DOP1A: variants seen among roughly 807,000 people sequenced by gnomAD.
The protein encoded by DOP1A is protein DOP1A.
In DOP1A, 90 loss-of-function variants were observed where a neutral mutation model predicts 267.6. The observed-to-expected ratio is 0.34, with a 90% CI of 0.28 to 0.40. The LOEUF is 0.40. Ranked by LOEUF, DOP1A falls within the 10% of genes least tolerant of loss-of-function variation. The pLI is 1.00. For synonymous variants in DOP1A, 932 were observed against 999.1 expected, an observed-to-expected ratio of 0.93 and a Z score of 1.27; for missense variants, 2,437 against 2,900.4, an observed-to-expected ratio of 0.84 and a Z score of 3.67.
At chr6:83,162,941 G>C (rs199686549) in intron 38 of DOP1A, 22 bp downstream of exon 38, 2 of 1,603,664 alleles carry the variant, frequency 1.2e-6, no homozygotes, top group Non-Finnish European at 1.7e-6. Context: ...TTTTGTGATT[G>C]TTTTGTTTTA....
chr6:83,119,933 G>A, intron 9 of DOP1A, 76 bp downstream of exon 9: 15 of 1,179,118 alleles, frequency 1.3e-5, no homozygotes, highest in Non-Finnish European at 1.6e-5. Flanking sequence ...ACGAGGTCTT[G>A]CCTTAATTGA....
chr6:83,082,238 A>C (rs982861041), intron 1 of DOP1A, among the ~76,000 whole-genome samples: 3 of 152,366 alleles, frequency 2.0e-5, no homozygotes, highest in South Asian at 4.1e-4. Context: ...CAGTATTCAC[A>C]TAGCCAAGAT....
downstream of DOP1A, chr6:83,169,954 T>C (rs2128476892): frequency 1.3e-5 from 5 of 381,968 alleles, no homozygotes; most frequent in South Asian, 1.1e-4. Flanking sequence ...ACAAAGCTGG[T>C]TGTTTTCATG....
intron 1 of DOP1A, among the ~76,000 whole-genome samples, chr6:83,094,350 C>T (rs1771055600): frequency 6.6e-6 from 1 of 152,160 alleles, no homozygotes; most frequent in Admixed American, 6.5e-5. Context: ...ATGAATAATG[C>T]ATCTATGAGC....
At chr6:83,101,979 T>C (rs1286857723) in intron 4 of DOP1A, among the ~76,000 whole-genome samples, 2 of 152,192 alleles carry the variant, frequency 1.3e-5, no homozygotes, top group Admixed American at 1.3e-4. Context: ...TCATCTGACA[T>C]TTCCCATTTT....
intron 3 of DOP1A, among the ~76,000 whole-genome samples, chr6:83,098,190 A>G (rs1386730957): frequency 6.6e-6 from 1 of 152,158 alleles, no homozygotes; most frequent in Non-Finnish European, 1.5e-5. Context: ...CAGCCTATCA[A>G]ATAGCTTAAC....
chr6:83,114,463 A>G (rs1775073897), intron 7 of DOP1A, among the ~76,000 whole-genome samples: 2 of 152,318 alleles, frequency 1.3e-5, no homozygotes, highest in East Asian at 3.9e-4. Context: ...ATGTTTTTTT[A>G]AACACTTAGA....
chr6:83,138,112 C>T lies in DOP1A; in HGVS notation c.4070C>T (p.Ser1357Phe), dbSNP rs777116743. The T allele has an allele frequency of 3.1e-6, 5 of 1,613,870 alleles. No individual in the cohort carries two copies. Among genetic ancestry groups the T allele is most frequent in the Non-Finnish European group, 4.2e-6 (5 of 1,179,866 alleles). ...ATGGGTTCTCCAGGATCTCGAAAAT[C>T]TCCCAATTTCAACATTCATCCTCTC... ...SDMGSPGSRK[S>F]PNFNIHPLYQ... The change falls in exon 21 of 39, where the codon TCT (serine) becomes TTT (phenylalanine). Residue 1357 changes from serine (S) to phenylalanine (F), a missense_variant. Physicochemically the swap from Ser to Phe is radical, Grantham distance 155. This residue lies in a region of DOP1A where 878 missense variants were observed against 992.9 expected (regional missense o/e 0.88). Transcript: ENST00000349129.
intron 19 of DOP1A, among the ~76,000 whole-genome samples, chr6:83,134,934 T>C (rs563537177): frequency 4.6e-5 from 7 of 152,254 alleles, no homozygotes; most frequent in Non-Finnish European, 1.0e-4. Flanking sequence ...CTGAACGTTA[T>C]TTCAGCTGGT....
intron 17 of DOP1A, among the ~76,000 whole-genome samples, chr6:83,130,984 C>T (rs1221018773): frequency 2.0e-5 from 3 of 151,920 alleles, no homozygotes; most frequent in African/African-American, 4.8e-5. Flanking sequence ...GTAATCTGCC[C>T]GCCTCAGCCT....
chr6:83,072,125 G>A (rs1785721840), intron 1 of DOP1A, among the ~76,000 whole-genome samples: 1 of 152,134 alleles, frequency 6.6e-6, no homozygotes, highest in South Asian at 2.1e-4. Flanking sequence ...TGTGGAAGGA[G>A]TTTCGTATGA....
chr6:83,074,503 G>T (rs545350874), intron 1 of DOP1A, among the ~76,000 whole-genome samples: 3 of 151,914 alleles, frequency 2.0e-5, no homozygotes, highest in African/African-American at 7.3e-5. Flanking sequence ...CTTTACACTC[G>T]TGCAAAAATG....
chr6:83,109,643 A>G lies in DOP1A; in HGVS notation c.492-482A>G, dbSNP rs1185485689. On this transcript the variant is annotated intron_variant, in intron 5 of 38. Coordinates refer to ENST00000349129, the MANE Select transcript of DOP1A (RefSeq NM_015018.4). ...GACGTGGTACTCTTGATATCTAACT[A>G]TTCAAACAAAGTTATTTGATCTGTT... 2.6e-5 allele frequency among the ~76,000 whole-genome samples: 4 copies of G among 152,298 alleles called. No individual in the cohort carries two copies. In the East Asian group the frequency reaches 7.7e-4, roughly 29 times the overall value.
Position 83,113,373 on chromosome 6 carries a change from A to C in DOP1A, c.732A>C (p.Arg244Ser), listed in dbSNP as rs1279987264. 6.2e-7 allele frequency: 1 copy of C among 1,613,902 alleles called. No homozygotes were observed. The highest frequency in any genetic ancestry group is 8.5e-7 in the Non-Finnish European group (1 of 1,179,884). The change falls in exon 7 of 39, where the codon AGA becomes AGC. Residue 244 changes from arginine to serine, a missense_variant. Around this residue, in one of 9 missense-constraint regions of DOP1A, gnomAD observed 251 missense variants for 359.1 expected, o/e 0.70. Transcript: ENST00000349129. ...SVQDSSVLVQ[R>S]STLDLILFCF... ...AGGACTCAAGTGTACTTGTACAGAGAAGCACACTGGACCTCATACTCTTCT... is the reference window on the plus strand; with the variant it reads ...AGGACTCAAGTGTACTTGTACAGAGCAGCACACTGGACCTCATACTCTTCT...
At position 83,139,182 on chromosome 6, in the gene DOP1A, T is replaced by G. The variant is rs1355536676; in HGVS notation, c.5120+20T>G. 1.3e-6 allele frequency: 2 copies of G among 1,571,918 alleles called. No individual in the cohort carries two copies. The highest frequency in any genetic ancestry group is 3.4e-5 in the Admixed American group (2 of 58,736). On this transcript the variant is annotated intron_variant, in intron 21 of 38. Coordinates refer to ENST00000349129, the MANE Select transcript of DOP1A (RefSeq NM_015018.4). ...TAGTAGGTAAGAGGTGATTTTTAAC[T>G]TTATTGGTACTGACATTTTTCACAT... is the stretch of plus-strand genomic sequence containing the variant.
At chr6:83,166,665 A>G (rs1254623022) in intron 38 of DOP1A, 36 of 1,279,818 alleles carry the variant, frequency 2.8e-5, no homozygotes, top group Non-Finnish European at 3.6e-5. Context: ...AAAAACCGCA[A>G]TTACGTTTGC....
intron 37 of DOP1A, among the ~76,000 whole-genome samples, chr6:83,160,786 T>TATTTATATATATTATTAATTTATTATA (rs2128412532): frequency 6.6e-6 from 1 of 152,338 alleles, no homozygotes; most frequent in South Asian, 2.1e-4. Flanking sequence ...ATATTGTGTC[T>TATTTATATATATTATTAATTTATTATA]TATTTTTCTT....
intron 1 of DOP1A, among the ~76,000 whole-genome samples, chr6:83,071,169 T>C (rs1785518038): frequency 2.0e-5 from 3 of 152,198 alleles, no homozygotes; most frequent in Admixed American, 1.3e-4. Flanking sequence ...ACTGAGACTT[T>C]CTTCTTGATA....
intron 35 of DOP1A, 82 bp downstream of exon 35, chr6:83,157,400 C>T (rs921570425): frequency 1.5e-5 from 21 of 1,426,590 alleles, no homozygotes; most frequent in Admixed American, 3.6e-5. Context: ...TAGATATTAA[C>T]GAATATTGGG....
Sources: allele counts gnomAD v4.1 joint callset (sites outside exome capture counted in the v4.1 genomes callset), GRCh38; gene constraint gnomAD v4.1.1; regional missense constraint gnomAD v4.1.1; transcripts MANE v1.5; gene names NCBI Gene and HGNC (gene_info 2026-07-23, HGNC 2026-07-21).